Variants in WIZ observed in about 807,000 individuals in gnomAD.
WIZ encodes the protein protein Wiz.
Under a neutral mutation model 140.2 loss-of-function variants are expected in WIZ, and 25 were observed. The observed-to-expected ratio is 0.18, with a 90% CI of 0.13 to 0.25. The LOEUF (loss-of-function observed/expected upper bound fraction) is 0.25. Ranked by LOEUF, WIZ falls within the 10% of genes least tolerant of loss-of-function variation. The probability of loss-of-function intolerance (pLI) is 1.00; values close to 1 mark genes in which losing one functional copy is unlikely to be tolerated. For missense variants in WIZ, 2,231 were observed against 2,632.6 expected, an observed-to-expected ratio of 0.85 and a Z score of 3.34; for synonymous variants, 1,125 against 1,154.3, an observed-to-expected ratio of 0.97 and a Z score of 0.51.
Position 15,422,939 on chromosome 19 carries a change from G to A in WIZ, c.*137C>T, listed in dbSNP as rs1272788264. ...CCGGCGCCCTGGCTGTAGTGTGCCC[G>A]GCCCCCAAGGGGCGCCGGTTTGAGG... is the stretch of plus-strand genomic sequence containing the variant. On this transcript the variant is annotated 3_prime_UTR_variant, in exon 13 of 13. Transcript: ENST00000673675. The A allele has an allele frequency of 1.5e-6, 2 of 1,339,686 alleles. No homozygotes were observed. Among genetic ancestry groups the A allele is most frequent in the East Asian group, 2.5e-5 (1 of 39,530 alleles). 83.0% of individuals were successfully genotyped at this position (1,339,686 alleles called of 1,614,324 possible).
At chr19:15,425,215 C>A in intron 10 of WIZ, 26 bp downstream of exon 10, 5 of 1,558,420 alleles carry the variant, frequency 3.2e-6, no homozygotes, top group Non-Finnish European at 4.3e-6. Flanking sequence ...GGTCGCCCTC[C>A]CAGGACCCTG....
In WIZ at chr19:15,442,492, T is replaced by C. The variant is rs377404969; in HGVS notation, c.278+184A>G. Reference sequence around the variant, plus strand: ...ATGAGAGTTGACCCTCTGTGTTCATTCCAGACCTCCCCCAACCCCAGCACA... The same window carrying C: ...ATGAGAGTTGACCCTCTGTGTTCATCCCAGACCTCCCCCAACCCCAGCACA... On this transcript the variant is annotated intron_variant, in intron 3 of 12. Transcript: ENST00000673675. The surrounding 1 kb of genome is among the most constrained non-coding windows in gnomAD (Gnocchi z 5.5). Among the ~76,000 whole-genome samples the C allele has an allele frequency of 3.2e-4, 48 of 152,244 alleles. No individual in the cohort carries two copies. Among genetic ancestry groups the C allele is most frequent in the African/African-American group, 1.1e-3 (46 of 41,550 alleles).
intron 2 of WIZ, among the ~76,000 whole-genome samples, chr19:15,444,700 C>T (rs753216352): frequency 2.0e-5 from 3 of 152,152 alleles, no homozygotes; most frequent in African/African-American, 7.2e-5. Context: ...AAAGGCCTGG[C>T]CCAGCCAAGA....
chr19:15,440,145 C>G lies in WIZ; in HGVS notation c.849G>C (p.Pro283=). The change falls in exon 4 of 13, where the codon CCG becomes CCC. Residue 283 remains proline, a synonymous_variant. Coordinates refer to ENST00000673675, the MANE Select transcript of WIZ (RefSeq NM_001371589.1). The surrounding 1 kb of genome is among the most constrained non-coding windows in gnomAD (Gnocchi z 6.2). ...CACACAGGTAGGGCCCGGTCCGGAT[C>G]GGGGGCAGTAGCGGCTGCAGCCGCT... ...SVERLQPLLP[P]IRTGPYLCEL... is the part of the protein sequence containing the mutation. 2 of 1,532,536 alleles carry G rather than the reference C, an allele frequency of 1.3e-6. No homozygotes were observed. The highest frequency in any genetic ancestry group is 1.7e-6 in the Non-Finnish European group (2 of 1,145,296). 94.9% of individuals were successfully genotyped at this position (1,532,536 alleles called of 1,614,324 possible).
Position 15,427,320 on chromosome 19 carries a change from G to A in WIZ, c.4028C>T (p.Pro1343Leu). The A allele has an allele frequency of 1.2e-6, 2 of 1,613,600 alleles. No homozygotes were observed. Among genetic ancestry groups the A allele is most frequent in the South Asian group, 1.1e-5 (1 of 91,074 alleles). Residue 1343 changes from proline (P) to leucine (L), a missense_variant, in exon 9 of 13, where the codon CCA becomes CTA. Pro to Leu is a moderately conservative substitution (Grantham distance 98, BLOSUM62 -3). Around this residue, in one of 15 missense-constraint regions of WIZ, gnomAD observed 393 missense variants for 451.7 expected, o/e 0.87. Coordinates refer to ENST00000673675, the MANE Select transcript of WIZ (RefSeq NM_001371589.1). This position sits in a 1 kb window ranked among gnomAD's most constrained non-coding sequence, Gnocchi z 6.4. ...RPGGPPNPPG[P>L]SPKALAKMMG... is the part of the protein sequence containing the mutation. ...CATCTTGGCCAGGGCTTTTGGGCTT[G>A]GCCCTGGTGGGTTGGGAGGTCCACC... is the stretch of plus-strand genomic sequence containing the variant.
chr19:15,435,693 C>T (rs191408796), intron 5 of WIZ, among the ~76,000 whole-genome samples: 3 of 151,732 alleles, frequency 2.0e-5, no homozygotes, highest in African/African-American at 4.8e-5. Flanking sequence ...ATTAGCCAGG[C>T]GTGGTGGTGC....
Position 15,424,677 on chromosome 19 carries a change from C to A in WIZ, c.5250G>T (p.Arg1750=). 1 of 1,588,774 alleles carries A rather than the reference C, an allele frequency of 6.3e-7. No individual in the cohort carries two copies. The highest frequency in any genetic ancestry group is 8.5e-7 in the Non-Finnish European group (1 of 1,176,238). Residue 1750 remains arginine, a synonymous_variant, in exon 11 of 13, where the codon CGG becomes CGT. Coordinates refer to ENST00000673675, the MANE Select transcript of WIZ (RefSeq NM_001371589.1). This position sits in a 1 kb window ranked among gnomAD's most constrained non-coding sequence, Gnocchi z 9.7. ...TGCCTGGCGGGCTGGCTGCCAGAGG[C>A]CGCTCACCACCGTCGGCTGCCCGGC... ...EAGRAADGGE[R]PLAASPPGTV... is the part of the protein sequence containing the mutation.
rs766707839 is a variant in WIZ, at chr19:15,439,795, C to T, written c.1199G>A (p.Arg400Gln). 4.4e-4 allele frequency: 672 copies of T among 1,511,900 alleles called. 2 individuals carry two copies. Among genetic ancestry groups the T allele is most frequent in the Admixed American group, 2.1e-4 (10 of 47,166 alleles). 93.7% of individuals were successfully genotyped at this position (1,511,900 alleles called of 1,614,324 possible). The change falls in exon 4 of 13, where the codon CGG becomes CAG. Residue 400 changes from arginine (R) to glutamine (Q), a missense_variant. Transcript: ENST00000673675. This position sits in a 1 kb window ranked among gnomAD's most constrained non-coding sequence, Gnocchi z 7.0. ...AAAGACACACTTAGGGCACTGCAGC[C>T]GTGCCTCCCGGCCCTCGTCTCCTGG... The part of the protein sequence containing the change: ...QVPGDEGREA[R>Q]LQCPKCVFGT...
intron 2 of WIZ, among the ~76,000 whole-genome samples, chr19:15,445,984 G>A (rs1969906010): frequency 6.6e-6 from 1 of 152,182 alleles, no homozygotes; most frequent in African/African-American, 2.4e-5. Flanking sequence ...CCGTGTCCCG[G>A]AGGGGGAGAT....
In WIZ at chr19:15,422,949, G is replaced by A. The variant is rs1968461190; in HGVS notation, c.*127C>T. On this transcript the variant is annotated 3_prime_UTR_variant, in exon 13 of 13. Transcript: ENST00000673675. ...GGCTGTAGTGTGCCCGGCCCCCAAGGGGCGCCGGTTTGAGGTTTTGGCTTG... is the reference window on the plus strand; with the variant it reads ...GGCTGTAGTGTGCCCGGCCCCCAAGAGGCGCCGGTTTGAGGTTTTGGCTTG... 8 of 1,405,780 alleles carry A rather than the reference G, an allele frequency of 5.7e-6. No individual in the cohort carries two copies. Among genetic ancestry groups the A allele is most frequent in the Non-Finnish European group, 7.5e-6 (8 of 1,062,202 alleles). The allele number at this position is 1,405,780 out of a possible 1,614,324, so 87.1% of individuals were successfully genotyped here. A position where few individuals can be genotyped will look rare whatever the true frequency, so the allele number is the denominator to read the frequency against.
At chr19:15,447,793 G>C (rs1969970822) in intron 2 of WIZ, among the ~76,000 whole-genome samples, 1 of 152,282 alleles carries the variant, frequency 6.6e-6, no homozygotes, top group South Asian at 2.1e-4. Flanking sequence ...CTGGGGGCAG[G>C]GAGTCTGGGG....
At position 15,440,835 on chromosome 19, in the gene WIZ, A is replaced by G. The variant is rs1969717322; in HGVS notation, c.279-120T>C. ...GCCCCGGAGATCCAGCCCGAGGGTG[A>G]CAGGGGTGTGGGGGTGAGGGTGGGA... On this transcript the variant is annotated intron_variant, in intron 3 of 12. Transcript: ENST00000673675. This position sits in a 1 kb window ranked among gnomAD's most constrained non-coding sequence, Gnocchi z 6.2. 1 of 956,676 alleles carries G rather than the reference A, an allele frequency of 1.0e-6. No individual in the cohort carries two copies. Among genetic ancestry groups the G allele is most frequent in the Admixed American group, 3.0e-5 (1 of 33,768 alleles). The allele number at this position is 956,676 out of a possible 1,614,324, so 59.3% of individuals were successfully genotyped here.
rs1001721333 is a variant in WIZ, at chr19:15,429,735, G to A, written c.3266C>T (p.Pro1089Leu). The change falls in exon 7 of 13, where the codon CCA becomes CTA. Residue 1089 changes from proline (P) to leucine (L), a missense_variant. Physicochemically the swap from Pro to Leu is moderately conservative, Grantham distance 98. Coordinates refer to ENST00000673675, the MANE Select transcript of WIZ (RefSeq NM_001371589.1). ...AKGLGHPPSSPLLKKTPLALA... is the reference protein window; with the variant it reads ...AKGLGHPPSSLLLKKTPLALA... The stretch of plus-strand genomic sequence containing the variant: ...GGCCAGTGGTGTCTTTTTGAGGAGT[G>A]GAGAGCTGGGCGGGTGGCCCAGGCC... 1.2e-5 allele frequency: 18 copies of A among 1,473,682 alleles called. No individual in the cohort carries two copies. The highest frequency in any genetic ancestry group is 2.4e-5 in the Admixed American group (1 of 41,414). 91.3% of individuals were successfully genotyped at this position (1,473,682 alleles called of 1,614,324 possible). A position where few individuals can be genotyped will look rare whatever the true frequency, so the allele number is the denominator to read the frequency against.
At chr19:15,426,908 G>A in intron 9 of WIZ, 74 bp downstream of exon 9, 8 of 1,517,592 alleles carry the variant, frequency 5.3e-6, no homozygotes, top group African/African-American at 1.4e-5. Context: ...TAGGCACTCT[G>A]GATACCCCCA....
rs1373680949 is a variant in WIZ, at chr19:15,444,152, G to C, written c.206-1404C>G. 3.9e-5 allele frequency among the ~76,000 whole-genome samples: 6 copies of C among 152,218 alleles called. No individual in the cohort carries two copies. The East Asian group carries it at 1.2e-3, about 29-fold the overall frequency. Reference sequence around the variant, plus strand: ...TCAATTTGAGGATGGTCCAGAAAAAGGGATAGGGCTGGGGCGAATTCTTTT... The same window carrying C: ...TCAATTTGAGGATGGTCCAGAAAAACGGATAGGGCTGGGGCGAATTCTTTT... On this transcript the variant is annotated intron_variant, in intron 2 of 12. Coordinates refer to ENST00000673675, the MANE Select transcript of WIZ (RefSeq NM_001371589.1).
chr19:15,432,604 GCCCCCGCGGGCGCGCGCTCCCGGGCGC>G (rs1368084724), intron 5 of WIZ: 3 of 236,502 alleles, frequency 1.3e-5, no homozygotes, highest in South Asian at 1.5e-4. Context: ...GGGCGGGGGC[GCCCCCGCGGGCGCGCGCTCCCGGGCGC>G]CCCCCGCGCG....
intron 9 of WIZ, 147 bp from the exon 10 acceptor site, chr19:15,425,915 A>AGGAGGAGGAGGAGGAGGAGGAGG (rs1968793671): frequency 2.0e-6 from 1 of 507,410 alleles, no homozygotes; most frequent in Non-Finnish European, 3.3e-6. Flanking sequence ...GGAGGAGGAG[A>AGGAGGAGGAGGAGGAGGAGGAGG]AGGAGGCGGC....
Position 15,427,312 on chromosome 19 carries a change from T to C in WIZ, c.4036A>G (p.Lys1346Glu). 6.2e-7 allele frequency: 1 copy of C among 1,613,616 alleles called. No individual in the cohort carries two copies. The highest frequency in any genetic ancestry group is 8.5e-7 in the Non-Finnish European group (1 of 1,179,824). Residue 1346 changes from lysine to glutamate, a missense_variant, in exon 9 of 13, where the codon AAA (lysine) becomes GAA (glutamate). Physicochemically the swap from Lys to Glu is moderately conservative, Grantham distance 56. Around this residue, in one of 15 missense-constraint regions of WIZ, gnomAD observed 393 missense variants for 451.7 expected, o/e 0.87. Transcript: ENST00000673675. The surrounding 1 kb of genome is among the most constrained non-coding windows in gnomAD (Gnocchi z 6.4). ...GPPNPPGPSP[K>E]ALAKMMGGAG... Reference sequence around the variant, plus strand: ...CCGCCCATCATCTTGGCCAGGGCTTTTGGGCTTGGCCCTGGTGGGTTGGGA... The same window carrying C: ...CCGCCCATCATCTTGGCCAGGGCTTCTGGGCTTGGCCCTGGTGGGTTGGGA...
chr19:15,434,899 G>A (rs1969463352), intron 5 of WIZ, among the ~76,000 whole-genome samples: 1 of 152,224 alleles, frequency 6.6e-6, no homozygotes, highest in Non-Finnish European at 1.5e-5. Context: ...CTGTGTGGCT[G>A]TGGCAAAGAA....
Sources: allele counts gnomAD v4.1 joint callset (sites outside exome capture counted in the v4.1 genomes callset), GRCh38; gene constraint gnomAD v4.1.1; regional missense constraint gnomAD v4.1.1; non-coding constraint Gnocchi (gnomAD v3.1); transcripts MANE v1.5; gene names NCBI Gene and HGNC (gene_info 2026-07-23, HGNC 2026-07-21).